DNAJC3: variants seen among roughly 807,000 people sequenced by gnomAD.
DNAJC3 encodes DnaJ heat shock protein family (Hsp40) member C3.
A neutral mutation model predicts 68.6 loss-of-function variants in DNAJC3; 38 were observed. The ratio of observed to expected loss-of-function variants is 0.55; its 90% CI spans 0.43 to 0.73. The LOEUF is 0.73. Ranked by LOEUF, DNAJC3 falls within the 30% of genes least tolerant of loss-of-function variation. The probability of loss-of-function intolerance (pLI) is 0.00; values close to 1 mark genes in which losing one functional copy is unlikely to be tolerated. For synonymous variants in DNAJC3, 203 were observed against 204.0 expected (o/e 1.00, Z 0.04); for missense variants, 526 against 591.9 (o/e 0.89, Z 1.16).
At position 95,747,902 on chromosome 13, in the gene DNAJC3, A is replaced by G. The variant is rs1053831602; in HGVS notation, c.394-9742A>G. ...AATTGTCCATGCTATTCCCTGAGAT[A>G]GTCCAGAGAAAAATCATTTAGGGGA... On this transcript the variant is annotated intron_variant, in intron 4 of 11. Transcript: ENST00000602402. 5.9e-5 allele frequency among the ~76,000 whole-genome samples: 9 copies of G among 152,238 alleles called. 1 individual carries two copies. The highest frequency in any genetic ancestry group is 2.6e-4 in the Admixed American group (4 of 15,286).
At chr13:95,706,830 A>G (rs1481253238) in intron 1 of DNAJC3, among the ~76,000 whole-genome samples, 4 of 152,212 alleles carry the variant, frequency 2.6e-5, no homozygotes, top group African/African-American at 9.6e-5. Context: ...TGGTGAGACC[A>G]TGAATTCAGC....
intron 4 of DNAJC3, among the ~76,000 whole-genome samples, chr13:95,756,514 C>T (rs1341886475): frequency 2.0e-5 from 3 of 152,146 alleles, no homozygotes; most frequent in Non-Finnish European, 1.5e-5. Context: ...AAAACCCTTA[C>T]CAAGAAATAA....
intron 9 of DNAJC3, among the ~76,000 whole-genome samples, chr13:95,777,497 T>C (rs1883323993): frequency 6.6e-6 from 1 of 152,248 alleles, no homozygotes; most frequent in African/African-American, 2.4e-5. Context: ...GAATTGTATT[T>C]CCTTTGCCTT....
At position 95,757,780 on chromosome 13, in the gene DNAJC3, T is replaced by G; in HGVS notation, c.530T>G (p.Leu177Arg). 6.5e-7 allele frequency: 1 copy of G among 1,542,826 alleles called. No homozygotes were observed. The highest frequency in any genetic ancestry group is 1.2e-5 in the South Asian group (1 of 83,300). Residue 177 changes from leucine to arginine, a missense_variant, in exon 5 of 12, where the codon CTT (leucine) becomes CGT (arginine). Physicochemically the swap from Leu to Arg is moderately radical, Grantham distance 102. Transcript: ENST00000602402. ...SGDYTAAIAF[L>R]DKILEVCVWD... The stretch of plus-strand genomic sequence containing the variant: ...GATTATACTGCTGCTATAGCCTTCC[T>G]TGATAAGATTTTAGAGGTAAGTTTC...
chr13:95,751,704 A>G (rs1472616057), intron 4 of DNAJC3, among the ~76,000 whole-genome samples: 1 of 152,220 alleles, frequency 6.6e-6, no homozygotes, highest in Non-Finnish European at 1.5e-5. Flanking sequence ...ATTAGGAGAC[A>G]TTAGCTGTAT....
intron 2 of DNAJC3, among the ~76,000 whole-genome samples, chr13:95,715,483 C>CTTTTTT (rs374834820): frequency 5.0e-5 from 7 of 139,018 alleles, no homozygotes; most frequent in Admixed American, 7.2e-5. Flanking sequence ...GTTTCTTTTT[C>CTTTTTT]TTTTTTTTTT....
At chr13:95,711,452 C>T (rs915317613) in intron 2 of DNAJC3, among the ~76,000 whole-genome samples, 12 of 151,990 alleles carry the variant, frequency 7.9e-5, no homozygotes, top group African/African-American at 1.2e-4. Flanking sequence ...GAGCCAAGAT[C>T]GCACCATTGC....
chr13:95,695,523 C>G (rs551634202), intron 1 of DNAJC3: 3 of 152,288 alleles, frequency 2.0e-5, no homozygotes, highest in African/African-American at 7.2e-5. Context: ...AATATTCTGC[C>G]CATTAAGTCA....
chr13:95,790,244 G>A (rs1883726522), intron 11 of DNAJC3, among the ~76,000 whole-genome samples: 1 of 152,154 alleles, frequency 6.6e-6, no homozygotes, highest in South Asian at 2.1e-4. Context: ...TGACTCTGAG[G>A]ACATGAGCTC....
intron 2 of DNAJC3, among the ~76,000 whole-genome samples, chr13:95,713,814 A>C (rs1349228795): frequency 6.6e-6 from 1 of 152,222 alleles, no homozygotes; most frequent in Non-Finnish European, 1.5e-5. Flanking sequence ...TTATGAGAGC[A>C]GAGAGCCTGC....
chr13:95,773,639 G>T (rs1286148923), intron 9 of DNAJC3, among the ~76,000 whole-genome samples: 1 of 150,748 alleles, frequency 6.6e-6, no homozygotes, highest in East Asian at 2.0e-4. Flanking sequence ...AGGTCTGTAA[G>T]ATTATTCCTG....
At chr13:95,761,148 A>G (rs970249975) in intron 7 of DNAJC3, among the ~76,000 whole-genome samples, 1 of 152,212 alleles carries the variant, frequency 6.6e-6, no homozygotes, top group African/African-American at 2.4e-5. Context: ...ATATGAATTG[A>G]TTATTAAAAG....
intron 4 of DNAJC3, among the ~76,000 whole-genome samples, chr13:95,756,840 G>T (rs555138361): frequency 2.0e-4 from 31 of 152,222 alleles, no homozygotes; most frequent in Admixed American, 1.3e-3. Flanking sequence ...GGAAGAAATT[G>T]TTAAGAGTCC....
At chr13:95,740,641 A>G (rs1566493777) in intron 4 of DNAJC3, among the ~76,000 whole-genome samples, 3 of 152,182 alleles carry the variant, frequency 2.0e-5, no homozygotes, top group East Asian at 1.9e-4. Flanking sequence ...GCACTTCCCA[A>G]GTGAGGCAAT....
At chr13:95,704,851 G>GTTT (rs1193979630) in intron 1 of DNAJC3, among the ~76,000 whole-genome samples, 8 of 97,860 alleles carry the variant, frequency 8.2e-5, no homozygotes, top group African/African-American at 3.0e-4. Flanking sequence ...GTGTGTGTGT[G>GTTT]TTTTTTTTTT....
Position 95,760,142 on chromosome 13 carries a change from T to A in DNAJC3, c.649T>A (p.Leu217Met), listed in dbSNP as rs1444815513. 20 of 1,613,040 alleles carry A rather than the reference T, an allele frequency of 1.2e-5. No individual in the cohort carries two copies. The highest frequency in any genetic ancestry group is 1.7e-5 in the Non-Finnish European group (20 of 1,179,428). ...AISDLKAASK[L>M]KNDNTEAFYK... ...AAGTGACTTAAAAGCTGCGTCAAAG[T>A]TGAAGAATGATAATACTGAAGCGTT... is the stretch of plus-strand genomic sequence containing the variant. The change falls in exon 6 of 12, where the codon TTG (leucine) becomes ATG (methionine). Residue 217 changes from leucine (L) to methionine (M), a missense_variant. Physicochemically the swap from Leu to Met is conservative, Grantham distance 15. Coordinates refer to ENST00000602402, the MANE Select transcript of DNAJC3 (RefSeq NM_006260.5).
intron 4 of DNAJC3, among the ~76,000 whole-genome samples, chr13:95,743,359 G>A (rs1367778897): frequency 6.6e-6 from 1 of 152,198 alleles, no homozygotes; most frequent in Admixed American, 6.5e-5. Context: ...CGTTTGACTG[G>A]TTACAGCTAG....
At chr13:95,725,064 C>A in intron 3 of DNAJC3, 114 bp from the exon 4 acceptor site, 3 of 644,110 alleles carry the variant, frequency 4.7e-6, no homozygotes, top group Non-Finnish European at 7.0e-6. Context: ...CAGATGTGCA[C>A]TGGAAAAATA....
chr13:95,781,401 G>C (rs1245517506), intron 9 of DNAJC3, among the ~76,000 whole-genome samples: 2 of 152,054 alleles, frequency 1.3e-5, no homozygotes, highest in African/African-American at 4.8e-5. Flanking sequence ...AGATCTGCTA[G>C]GGCCTCTTAT....
Sources: gnomAD v4.1 joint callset for allele counts (sites outside exome capture counted in the v4.1 genomes callset) on GRCh38, gnomAD v4.1.1 for gene constraint, MANE v1.5 for transcripts, NCBI Gene and HGNC (gene_info 2026-07-23, HGNC 2026-07-21) for gene names.